The following OSBPL8 variants were observed in gnomAD, a reference collection of about 807,000 sequenced individuals.
The protein encoded by OSBPL8 is oxysterol-binding protein-related protein 8.
Under a neutral mutation model 125.5 loss-of-function variants are expected in OSBPL8, and 59 were observed. The observed-to-expected ratio is 0.47, with a 90% CI of 0.38 to 0.58. The LOEUF (loss-of-function observed/expected upper bound fraction) is 0.58. OSBPL8 is among the 20% of genes least tolerant of loss of function. The pLI, the probability that OSBPL8 is intolerant of heterozygous loss-of-function variation, is 0.00. For synonymous variants in OSBPL8, 330 were observed against 338.9 expected, an observed-to-expected ratio of 0.97 and a Z score of 0.29; for missense variants, 758 against 1,047.8, an observed-to-expected ratio of 0.72 and a Z score of 3.82.
intron 3 of OSBPL8, among the ~76,000 whole-genome samples, chr12:76,456,631 A>C (rs1195485386): frequency 1.3e-5 from 2 of 152,010 alleles, no homozygotes; most frequent in Non-Finnish European, 2.9e-5. Context: ...TTAACTTTTG[A>C]CCCTCCAAAA....
chr12:76,384,934 T>G (rs186143234), intron 14 of OSBPL8, among the ~76,000 whole-genome samples: 90 of 152,296 alleles, frequency 5.9e-4, no homozygotes, highest in Non-Finnish European at 1.1e-3. Context: ...TAATAAATAC[T>G]GCTTTAACTC....
In OSBPL8 at chr12:76,459,879, T is replaced by C. The variant is rs1874498227; in HGVS notation, c.59A>G (p.Lys20Arg). The change falls in exon 3 of 24, where the codon AAA becomes AGA. Residue 20 changes from lysine (K) to arginine (R), a missense_variant. Physicochemically the swap from Lys to Arg is conservative, Grantham distance 26. Coordinates refer to ENST00000261183, the MANE Select transcript of OSBPL8 (RefSeq NM_020841.5). ...CTTACTTGATGGCCCAAGGACATCT[T>C]TGCTATCACCAAGAAGCTTTTAAGG... ...PDRTSLLGDS[K>R]DVLGPSTVVA... is the part of the protein sequence containing the mutation. The C allele has an allele frequency of 1.2e-6, 2 of 1,613,828 alleles. No individual in the cohort carries two copies. The highest frequency in any genetic ancestry group is 2.2e-5 in the South Asian group (2 of 91,086).
intron 21 of OSBPL8, among the ~76,000 whole-genome samples, chr12:76,366,009 A>G (rs1378197216): frequency 6.6e-6 from 1 of 152,200 alleles, no homozygotes; most frequent in African/African-American, 2.4e-5. Context: ...TTAAGGATGT[A>G]TGAATCTTAT....
chr12:76,544,393 A>G (rs1433341762), intron 1 of OSBPL8, among the ~76,000 whole-genome samples: 1 of 152,222 alleles, frequency 6.6e-6, no homozygotes, highest in Non-Finnish European at 1.5e-5. Flanking sequence ...AATGTAGGTT[A>G]AAAGAATGAG....
chr12:76,364,415 C>T (rs1320182941), intron 21 of OSBPL8, among the ~76,000 whole-genome samples: 1 of 152,122 alleles, frequency 6.6e-6, no homozygotes, highest in African/African-American at 2.4e-5. Context: ...AAACCAAATA[C>T]CGCATGTTCT....
At chr12:76,440,676 T>C (rs530685135) in intron 4 of OSBPL8, among the ~76,000 whole-genome samples, 1 of 152,228 alleles carries the variant, frequency 6.6e-6, no homozygotes, top group Non-Finnish European at 1.5e-5. Context: ...AACAGGCAAA[T>C]ATAGTCTTCC....
chr12:76,382,637 C>T (rs531508563), intron 15 of OSBPL8, among the ~76,000 whole-genome samples: 2 of 152,288 alleles, frequency 1.3e-5, no homozygotes, highest in East Asian at 1.9e-4. Flanking sequence ...AACCCCAGCA[C>T]TTTGGGAGGC....
intron 1 of OSBPL8, among the ~76,000 whole-genome samples, chr12:76,531,216 G>A (rs1216217705): frequency 1.3e-5 from 2 of 152,138 alleles, no homozygotes; most frequent in African/African-American, 4.8e-5. Context: ...ACCACCAGAA[G>A]TGCTTTTTAA....
At chr12:76,380,973 C>G (rs540828983) in intron 15 of OSBPL8, among the ~76,000 whole-genome samples, 10 of 152,188 alleles carry the variant, frequency 6.6e-5, no homozygotes, top group Non-Finnish European at 1.5e-4. Flanking sequence ...CCATATCTAT[C>G]GAAATCACAC....
intron 4 of OSBPL8, among the ~76,000 whole-genome samples, chr12:76,448,793 T>C (rs1156978720): frequency 6.6e-6 from 1 of 152,160 alleles, no homozygotes; most frequent in East Asian, 1.9e-4. Flanking sequence ...GGTGGGCGGA[T>C]CACAAGGTCA....
chr12:76,476,424 A>T (rs577936575), intron 2 of OSBPL8, among the ~76,000 whole-genome samples: 3 of 152,298 alleles, frequency 2.0e-5, no homozygotes, highest in African/African-American at 4.8e-5. Flanking sequence ...ATAAATGAGG[A>T]TATTATAAAA....
At chr12:76,507,139 T>C (rs920907993) in intron 1 of OSBPL8, among the ~76,000 whole-genome samples, 4 of 151,726 alleles carry the variant, frequency 2.6e-5, no homozygotes, top group Non-Finnish European at 5.9e-5. Flanking sequence ...AAGAAGACAA[T>C]GTTCTCTCTA....
At chr12:76,444,556 T>C (rs1225277384) in intron 4 of OSBPL8, among the ~76,000 whole-genome samples, 5 of 152,186 alleles carry the variant, frequency 3.3e-5, no homozygotes, top group Non-Finnish European at 1.5e-5. Context: ...GAAAGCTATC[T>C]AGCTGGGTCC....
At chr12:76,364,432 T>C (rs1952328479) in intron 21 of OSBPL8, among the ~76,000 whole-genome samples, 1 of 152,044 alleles carries the variant, frequency 6.6e-6, no homozygotes, top group African/African-American at 2.4e-5. Flanking sequence ...TTCTTACTCA[T>C]AAGTGGGAGC....
Position 76,358,624 on chromosome 12 carries a change from TA to T in OSBPL8, c.2434+81del, listed in dbSNP as rs1429667388. On this transcript the variant is annotated intron_variant, in intron 22 of 23. Transcript: ENST00000261183. ...CGACCAAAACTCACATAACTTGAGTTAATATGAAAAACCATATTCATATCAA... is the reference window on the plus strand; with the variant it reads ...CGACCAAAACTCACATAACTTGAGTTATATGAAAAACCATATTCATATCAA... The T allele has an allele frequency of 1.2e-5, 15 of 1,208,242 alleles. No individual in the cohort carries two copies. In the Admixed American group the frequency reaches 2.6e-4, roughly 21 times the overall value. The allele number at this position is 1,208,242 out of a possible 1,614,324, so 74.8% of individuals were successfully genotyped here.
Position 76,355,942 on chromosome 12 carries a change from T to A in OSBPL8, c.2617A>T (p.Ile873Phe). Residue 873 changes from isoleucine to phenylalanine, a missense_variant, in exon 24 of 24, where the codon ATC becomes TTC. Ile to Phe is a conservative substitution (Grantham distance 21). Around this residue, in one of 3 missense-constraint regions of OSBPL8, gnomAD observed 572 missense variants for 762.0 expected, o/e 0.75. Coordinates refer to ENST00000261183, the MANE Select transcript of OSBPL8 (RefSeq NM_020841.5). Reference protein sequence around the residue: ...DYFLQQKDYFIIFLLILLQVI... With the variant: ...DYFLQQKDYFFIFLLILLQVI... The stretch of plus-strand genomic sequence containing the variant: ...TGAAGCAAAATCAGGAGGAAAATGA[T>A]GAAGTAGTCTTTTTGTTGCAGAAAA... 6.2e-7 allele frequency: 1 copy of A among 1,613,484 alleles called. No individual in the cohort carries two copies. Among genetic ancestry groups the A allele is most frequent in the African/African-American group, 1.3e-5 (1 of 75,006 alleles).
intron 2 of OSBPL8, among the ~76,000 whole-genome samples, chr12:76,486,500 A>G (rs1372442556): frequency 6.6e-6 from 1 of 152,220 alleles, no homozygotes; most frequent in East Asian, 1.9e-4. Context: ...TCTATACATC[A>G]ATATATAATG....
chr12:76,383,300 A>C (rs923410092), intron 15 of OSBPL8, among the ~76,000 whole-genome samples: 1 of 152,076 alleles, frequency 6.6e-6, no homozygotes, highest in African/African-American at 2.4e-5. Context: ...GAGGGATGAA[A>C]GGTGAAGTAG....
chr12:76,361,911 C>T (rs1952222943), intron 21 of OSBPL8, among the ~76,000 whole-genome samples: 1 of 152,178 alleles, frequency 6.6e-6, no homozygotes, highest in Non-Finnish European at 1.5e-5. Flanking sequence ...CAAACCCTAT[C>T]ACAAGGTAAT....
Sources: allele counts gnomAD v4.1 joint callset (sites outside exome capture counted in the v4.1 genomes callset), GRCh38; gene constraint gnomAD v4.1.1; regional missense constraint gnomAD v4.1.1; transcripts MANE v1.5; gene names NCBI Gene and HGNC (gene_info 2026-07-23, HGNC 2026-07-21).